The following NRXN1 variants were observed in gnomAD, a reference collection of about 807,000 sequenced individuals.
NRXN1 encodes the protein neurexin 1.
NRXN1 carries 39 observed loss-of-function variants against 150.9 expected under a neutral mutation model. The observed-to-expected ratio is 0.26, with a 90% CI of 0.20 to 0.34. The LOEUF (loss-of-function observed/expected upper bound fraction) is 0.34. Among genes scored for constraint, NRXN1 ranks in the 10% least tolerant of loss-of-function variants. NRXN1 has a pLI of 1.00. For synonymous variants in NRXN1, 924 were observed against 757.0 expected, an observed-to-expected ratio of 1.22 and a Z score of -3.62; for missense variants, 1,815 against 1,949.9, an observed-to-expected ratio of 0.93 and a Z score of 1.30.
intron 17 of NRXN1, among the ~76,000 whole-genome samples, chr2:50,415,688 G>C (rs534291740): frequency 6.6e-6 from 1 of 152,016 alleles, no homozygotes; most frequent in Non-Finnish European, 1.5e-5. Context: ...AAATGCACAA[G>C]TCTCTCTAAC....
intron 5 of NRXN1, among the ~76,000 whole-genome samples, chr2:50,753,281 T>C (rs1700810039): frequency 6.6e-6 from 1 of 151,920 alleles, no homozygotes; most frequent in Non-Finnish European, 1.5e-5. Context: ...GCAGAAGTGG[T>C]ACAGTTCTCA....
At chr2:50,755,549 T>C (rs1574362238) in intron 5 of NRXN1, among the ~76,000 whole-genome samples, 1 of 151,782 alleles carries the variant, frequency 6.6e-6, no homozygotes, top group East Asian at 1.9e-4. Context: ...TAGATTTTTA[T>C]TACCTGCTGT....
chr2:50,107,881 T>C (rs950875631), intron 18 of NRXN1, among the ~76,000 whole-genome samples: 1 of 151,960 alleles, frequency 6.6e-6, no homozygotes, highest in African/African-American at 2.4e-5. Flanking sequence ...AAGTGTTTGC[T>C]AAATATTGAC....
intron 18 of NRXN1, among the ~76,000 whole-genome samples, chr2:50,207,023 C>G (rs908652444): frequency 6.6e-6 from 1 of 151,832 alleles, no homozygotes; most frequent in Non-Finnish European, 1.5e-5. Context: ...AAAACAGCTG[C>G]TCTTCTAGCA....
chr2:51,027,873 T>A lies in NRXN1; in HGVS notation c.401A>T (p.Glu134Val). The part of the protein sequence containing the change: ...RNTTLFIDQV[E>V]AKWVEVKSKR... ...GGACTTGACCTCCACCCACTTGGCC[T>A]CCACCTGGTCGATGAAGAGCGTGGT... is the stretch of plus-strand genomic sequence containing the variant. The change falls in exon 2 of 23, where the codon GAG becomes GTG. Residue 134 changes from glutamate (E) to valine (V), a missense_variant. By Grantham distance (121) the Glu-to-Val change is moderately radical. Transcript: ENST00000401669. 1 of 1,612,702 alleles carries A rather than the reference T, an allele frequency of 6.2e-7. No individual in the cohort carries two copies. Among genetic ancestry groups the A allele is most frequent in the East Asian group, 2.2e-5 (1 of 44,828 alleles).
chr2:50,657,830 A>G (rs1000882945), intron 5 of NRXN1, among the ~76,000 whole-genome samples: 3 of 152,024 alleles, frequency 2.0e-5, no homozygotes, highest in Admixed American at 6.6e-5. Flanking sequence ...ATTATCCACA[A>G]CTGAGAAAGA....
intron 5 of NRXN1, among the ~76,000 whole-genome samples, chr2:50,681,122 C>T (rs947457071): frequency 1.3e-5 from 2 of 152,158 alleles, no homozygotes; most frequent in African/African-American, 4.8e-5. Context: ...AGGATAGATA[C>T]CCTATTCACT....
Position 50,628,109 on chromosome 2 carries a change from G to T in NRXN1, c.833-4494C>A, listed in dbSNP as rs147759296. ...AAGAAGGCTGTAGAATTTTATCCAA[G>T]ATATCTTGTATCATTCCAAATCTGC... is the stretch of plus-strand genomic sequence containing the variant. On this transcript the variant is annotated intron_variant, in intron 5 of 22. Transcript: ENST00000401669. Among the ~76,000 whole-genome samples the T allele has an allele frequency of 2.6e-3, 397 of 151,804 alleles. 3 individuals are homozygous for T. Among genetic ancestry groups the T allele is most frequent in the African/African-American group, 9.3e-3 (384 of 41,504 alleles).
chr2:49,940,303 T>A (rs1361329024), intron 22 of NRXN1, among the ~76,000 whole-genome samples: 2 of 152,214 alleles, frequency 1.3e-5, no homozygotes, highest in East Asian at 3.8e-4. Context: ...ATGTTAGTTT[T>A]ATAAAAAGCC....
chr2:50,486,973 G>T (rs1010405607), intron 15 of NRXN1, among the ~76,000 whole-genome samples: 10 of 152,098 alleles, frequency 6.6e-5, no homozygotes, highest in Non-Finnish European at 1.3e-4. Flanking sequence ...CAGTACATGA[G>T]ATACGACGAA....
intron 19 of NRXN1, among the ~76,000 whole-genome samples, chr2:50,086,845 A>AGAGAGAGAGAGAAG (rs4032305): frequency 3.8e-4 from 58 of 150,934 alleles, no homozygotes; most frequent in African/African-American, 1.4e-3. Context: ...AGAGAGAGAG[A>AGAGAGAGAGAGAAG]GAGAGCGAGC....
At chr2:50,354,554 C>CATATATATAT (rs71404946) in intron 17 of NRXN1, among the ~76,000 whole-genome samples, 4,274 of 99,428 alleles carry the variant, frequency 0.043, 166 homozygotes, top group East Asian at 0.14. Context: ...AGAGTGCATA[C>CATATATATAT]ATATATATAT....
chr2:50,746,590 A>AACG, intron 5 of NRXN1, among the ~76,000 whole-genome samples: 1 of 152,010 alleles, frequency 6.6e-6, no homozygotes, highest in Non-Finnish European at 1.5e-5. Context: ...CAACAACAAC[A>AACG]ACAACAAAAA....
intron 17 of NRXN1, among the ~76,000 whole-genome samples, chr2:50,286,387 C>A (rs189061148): frequency 1.3e-5 from 2 of 152,224 alleles, no homozygotes; most frequent in African/African-American, 2.4e-5. Context: ...ATGTAGTATT[C>A]TTCTTTTTGT....
At chr2:50,365,288 T>A (rs1027695107) in intron 17 of NRXN1, among the ~76,000 whole-genome samples, 4 of 151,946 alleles carry the variant, frequency 2.6e-5, no homozygotes, top group African/African-American at 9.7e-5. Context: ...TTTGAGAAAA[T>A]TTGTAGCAGA....
At chr2:51,017,192 G>A (rs897806869) in intron 2 of NRXN1, among the ~76,000 whole-genome samples, 3 of 151,926 alleles carry the variant, frequency 2.0e-5, no homozygotes, top group South Asian at 2.1e-4. Context: ...ACCATGGCAC[G>A]TGTATACCTA....
intron 17 of NRXN1, among the ~76,000 whole-genome samples, chr2:50,435,497 G>C (rs1041670281): frequency 2.6e-5 from 4 of 152,122 alleles, no homozygotes; most frequent in Admixed American, 1.3e-4. Flanking sequence ...AGTCTGCATA[G>C]TATTCCATGG....
intron 21 of NRXN1, among the ~76,000 whole-genome samples, chr2:50,002,877 A>G (rs1684172308): frequency 6.6e-6 from 1 of 152,140 alleles, no homozygotes. Context: ...AAATGAAAAT[A>G]AAGTTCTTGA....
intron 17 of NRXN1, among the ~76,000 whole-genome samples, chr2:50,447,122 C>A (rs906946405): frequency 6.6e-6 from 1 of 151,944 alleles, no homozygotes; most frequent in African/African-American, 2.4e-5. Flanking sequence ...ACTTTGACCC[C>A]AAACTAATCA....
Sources: gnomAD v4.1 joint callset for allele counts (sites outside exome capture counted in the v4.1 genomes callset) on GRCh38, gnomAD v4.1.1 for gene constraint, MANE v1.5 for transcripts, NCBI Gene and HGNC (gene_info 2026-07-23, HGNC 2026-07-21) for gene names.